Variants in DENND1A observed in about 807,000 individuals in gnomAD.
DENND1A encodes DENN domain containing 1A.
In DENND1A, 51 loss-of-function variants were observed where a neutral mutation model predicts 113.7. The observed-to-expected ratio is 0.45, with a 90% CI of 0.36 to 0.57. The LOEUF is 0.57. Ranked by LOEUF, DENND1A falls within the 20% of genes least tolerant of loss-of-function variation. DENND1A has a pLI of 0.00. For missense variants in DENND1A, 1,258 were observed against 1,395.9 expected (o/e 0.90, Z 1.57); for synonymous variants, 565 against 570.8 (o/e 0.99, Z 0.14).
In DENND1A at chr9:123,740,049, GAATT is replaced by G. The variant is rs1043564632; in HGVS notation, c.302+17650_302+17653del. On this transcript the variant is annotated intron_variant, in intron 5 of 23. Transcript: ENST00000394215. Reference sequence around the variant, plus strand: ...TCAGCTTACATTGGGGAGAGTTTTAGAATTAATTCTTACAAAACCACCTTTAAGT... The same window carrying G: ...TCAGCTTACATTGGGGAGAGTTTTAGAATTCTTACAAAACCACCTTTAAGT... 1.1e-4 allele frequency among the ~76,000 whole-genome samples: 17 copies of G among 152,214 alleles called. No individual in the cohort carries two copies. The East Asian group carries it at 2.9e-3, about 26-fold the overall frequency.
At chr9:123,769,927 C>T (rs879759171) in intron 3 of DENND1A, among the ~76,000 whole-genome samples, 1 of 152,078 alleles carries the variant, frequency 6.6e-6, no homozygotes, top group Non-Finnish European at 1.5e-5. Context: ...ATGGGTTTGG[C>T]CTGGCAGGGC....
chr9:123,416,283 C>A (rs573163207), intron 19 of DENND1A, among the ~76,000 whole-genome samples: 15 of 152,264 alleles, frequency 9.9e-5, no homozygotes, highest in African/African-American at 3.4e-4. Context: ...TGCTAAGTGT[C>A]CTAGTGGCCA....
intron 19 of DENND1A, among the ~76,000 whole-genome samples, chr9:123,438,485 A>C (rs546642395): frequency 6.6e-6 from 1 of 152,324 alleles, no homozygotes; most frequent in South Asian, 2.1e-4. Context: ...AGCACGTCTC[A>C]ATTAAGGCAT....
At chr9:123,747,146 C>G (rs1385717522) in intron 5 of DENND1A, among the ~76,000 whole-genome samples, 4 of 151,984 alleles carry the variant, frequency 2.6e-5, no homozygotes, top group Non-Finnish European at 4.4e-5. Flanking sequence ...TCCCAAGGAG[C>G]TTAGACAACA....
chr9:123,532,914 C>A (rs139540945), intron 13 of DENND1A, among the ~76,000 whole-genome samples: 28 of 152,306 alleles, frequency 1.8e-4, no homozygotes, highest in African/African-American at 4.8e-4. Context: ...CAGAGCTCAG[C>A]ATGAATCAAA....
At chr9:123,840,106 T>C (rs1841610466) in intron 2 of DENND1A, among the ~76,000 whole-genome samples, 1 of 150,252 alleles carries the variant, frequency 6.7e-6, no homozygotes, top group Non-Finnish European at 1.5e-5. Flanking sequence ...TTTTCAAGAA[T>C]TCTGGATCAA....
chr9:123,414,780 G>A (rs1233313956), intron 19 of DENND1A, among the ~76,000 whole-genome samples: 2 of 152,022 alleles, frequency 1.3e-5, no homozygotes, highest in African/African-American at 2.4e-5. Context: ...CCAGATTCAG[G>A]GCCCCGCCAT....
intron 12 of DENND1A, among the ~76,000 whole-genome samples, chr9:123,571,463 C>T (rs2058352433): frequency 6.6e-6 from 1 of 152,242 alleles, no homozygotes; most frequent in African/African-American, 2.4e-5. Flanking sequence ...TCAGGCCCTG[C>T]CTCCTCCATC....
chr9:123,454,816 G>A, intron 15 of DENND1A, 37 bp from the exon 16 acceptor site: 3 of 1,531,810 alleles, frequency 2.0e-6, no homozygotes, highest in Non-Finnish European at 2.7e-6. Context: ...GTCACTTAAA[G>A]AGGTGATTTG....
chr9:123,717,284 C>G (rs2067035407), intron 5 of DENND1A, among the ~76,000 whole-genome samples: 1 of 152,088 alleles, frequency 6.6e-6, no homozygotes, highest in Non-Finnish European at 1.5e-5. Flanking sequence ...CCACTGCAGT[C>G]CTGTTTGTTG....
chr9:123,576,609 C>T (rs766606449), intron 12 of DENND1A, among the ~76,000 whole-genome samples: 1 of 152,132 alleles, frequency 6.6e-6, no homozygotes, highest in African/African-American at 2.4e-5. Flanking sequence ...AGCGATTCTG[C>T]CACCTCAGCC....
At chr9:123,536,992 G>C (rs1223689755) in intron 13 of DENND1A, among the ~76,000 whole-genome samples, 1 of 152,056 alleles carries the variant, frequency 6.6e-6, no homozygotes, top group Non-Finnish European at 1.5e-5. Context: ...TCCCACATAA[G>C]GTTATTATAA....
intron 13 of DENND1A, chr9:123,485,644 A>AAG (rs1554837406): frequency 1.6e-5 from 1 of 64,402 alleles, no homozygotes; most frequent in African/African-American, 4.5e-5. Context: ...GCGTACACAC[A>AAG]CGCGCGCGCG....
chr9:123,454,378 G>A (rs1280163042), intron 16 of DENND1A, among the ~76,000 whole-genome samples: 1 of 152,202 alleles, frequency 6.6e-6, no homozygotes, highest in Non-Finnish European at 1.5e-5. Context: ...GCTTTGCTGT[G>A]AAAGAGGTTA....
intron 13 of DENND1A, among the ~76,000 whole-genome samples, chr9:123,490,997 T>C (rs1195650874): frequency 6.6e-6 from 1 of 152,176 alleles, no homozygotes; most frequent in African/African-American, 2.4e-5. Flanking sequence ...TTTCAGGCCT[T>C]TTAGGAGGGA....
At chr9:123,462,356 C>T (rs973675384) in intron 13 of DENND1A, among the ~76,000 whole-genome samples, 3 of 152,232 alleles carry the variant, frequency 2.0e-5, no homozygotes, top group African/African-American at 7.2e-5. Context: ...AGGATTCAGA[C>T]ATTGCAGAGT....
At chr9:123,512,399 G>A (rs1417842702) in intron 13 of DENND1A, among the ~76,000 whole-genome samples, 2 of 152,220 alleles carry the variant, frequency 1.3e-5, no homozygotes, top group East Asian at 1.9e-4. Context: ...GCTGGCACTC[G>A]GCTCACTTCA....
At chr9:123,439,481 A>T (rs535026203) in intron 19 of DENND1A, among the ~76,000 whole-genome samples, 1 of 152,360 alleles carries the variant, frequency 6.6e-6, no homozygotes, top group South Asian at 2.1e-4. Context: ...TAAAACAGGA[A>T]TGTAGGCTTC....
intron 7 of DENND1A, among the ~76,000 whole-genome samples, chr9:123,670,892 T>C (rs929495524): frequency 3.9e-5 from 6 of 152,110 alleles, no homozygotes; most frequent in African/African-American, 1.4e-4. Flanking sequence ...AGAGGCAATG[T>C]TGAAAGCTGA....
Sources: allele counts gnomAD v4.1 joint callset (sites outside exome capture counted in the v4.1 genomes callset), GRCh38; gene constraint gnomAD v4.1.1; transcripts MANE v1.5; gene names NCBI Gene and HGNC (gene_info 2026-07-23, HGNC 2026-07-21).